Variants in KIAA1671 observed in about 807,000 individuals in gnomAD.
KIAA1671 encodes the protein uncharacterized protein KIAA1671.
In KIAA1671, 52 loss-of-function variants were observed where a neutral mutation model predicts 131.2. That is an observed-to-expected ratio of 0.40 (90% CI 0.32 to 0.50). The LOEUF (loss-of-function observed/expected upper bound fraction) is 0.50. KIAA1671 is among the 20% of genes least tolerant of loss of function. KIAA1671 has a pLI of 0.73. For missense variants in KIAA1671, 2,360 were observed against 2,364.2 expected, an observed-to-expected ratio of 1.00 and a Z score of 0.04; for synonymous variants, 1,003 against 961.6, an observed-to-expected ratio of 1.04 and a Z score of -0.80.
At chr22:24,962,494 C>T (rs1386137841) in intron 1 of KIAA1671, among the ~76,000 whole-genome samples, 1 of 152,108 alleles carries the variant, frequency 6.6e-6, no homozygotes, top group African/African-American at 2.4e-5. Flanking sequence ...TGCTTGGATT[C>T]AAATCCCAGC....
chr22:25,003,400 A>ATTTTTTTTTTTTTTTTTT (rs71191013), intron 1 of KIAA1671, among the ~76,000 whole-genome samples: 2 of 113,844 alleles, frequency 1.8e-5, no homozygotes, highest in African/African-American at 8.4e-5. Context: ...ACTTGGAGAG[A>ATTTTTTTTTTTTTTTTTT]TTTTTTTTTT....
chr22:25,177,438 C>T lies in KIAA1671; in HGVS notation c.4990C>T (p.Arg1664Trp), dbSNP rs376819852. 52 of 1,551,652 alleles carry T rather than the reference C, an allele frequency of 3.4e-5. No individual in the cohort carries two copies. The African/African-American group carries it at 3.4e-4, about 10-fold the overall frequency. The part of the protein sequence containing the change: ...RRRAPISHSL[R>W]RSRFSESESR... ...CCGGGCCCCCATCTCCCACTCCCTCCGGCGCAGCCGATTTAGTGAGTCCGA... is the reference window on the plus strand; with the variant it reads ...CCGGGCCCCCATCTCCCACTCCCTCTGGCGCAGCCGATTTAGTGAGTCCGA... The change falls in exon 9 of 13, where the codon CGG becomes TGG. Residue 1664 changes from arginine to tryptophan, a missense_variant. Coordinates refer to ENST00000358431, the MANE Select transcript of KIAA1671 (RefSeq NM_001145206.2).
chr22:25,140,513 C>T (rs937736875), intron 6 of KIAA1671, among the ~76,000 whole-genome samples: 3 of 152,128 alleles, frequency 2.0e-5, no homozygotes, highest in Non-Finnish European at 2.9e-5. Context: ...AATGTGATGC[C>T]GCAGGGGAAT....
At chr22:24,981,504 A>T (rs901961956) in intron 1 of KIAA1671, among the ~76,000 whole-genome samples, 1 of 152,150 alleles carries the variant, frequency 6.6e-6, no homozygotes, top group Non-Finnish European at 1.5e-5. Flanking sequence ...TTAGCCCTGG[A>T]TGCTCAGGAG....
chr22:25,170,073 C>G (rs1431687826), intron 6 of KIAA1671, among the ~76,000 whole-genome samples: 2 of 152,088 alleles, frequency 1.3e-5, no homozygotes, highest in African/African-American at 2.4e-5. Flanking sequence ...GCCACCACAC[C>G]CAGCTAATTT....
intron 1 of KIAA1671, among the ~76,000 whole-genome samples, chr22:24,975,097 C>T (rs1922846495): frequency 6.6e-6 from 1 of 152,194 alleles, no homozygotes; most frequent in African/African-American, 2.4e-5. Context: ...TTTTCATCAC[C>T]TCCAAAAGGA....
At chr22:25,075,428 G>A (rs763065017) in intron 6 of KIAA1671, among the ~76,000 whole-genome samples, 1 of 151,902 alleles carries the variant, frequency 6.6e-6, no homozygotes, top group Non-Finnish European at 1.5e-5. Context: ...GTCCCACATT[G>A]TATTTTTTCG....
At chr22:25,078,368 A>AT (rs1029667053) in intron 6 of KIAA1671, among the ~76,000 whole-genome samples, 6 of 151,906 alleles carry the variant, frequency 3.9e-5, no homozygotes, top group South Asian at 2.1e-4. Flanking sequence ...CTACAAAAGA[A>AT]TTTTTTTTTG....
chr22:25,076,683 G>A (rs1929126286), intron 6 of KIAA1671, among the ~76,000 whole-genome samples: 1 of 152,200 alleles, frequency 6.6e-6, no homozygotes, highest in Non-Finnish European at 1.5e-5. Context: ...ACGGTCCCAA[G>A]GCCTGTGGCC....
rs960643773 is a variant in KIAA1671, at chr22:25,170,892, G to A, written c.4603G>A (p.Gly1535Ser). 9.0e-6 allele frequency: 14 copies of A among 1,551,528 alleles called. No homozygotes were observed. The highest frequency in any genetic ancestry group is 3.3e-4 in the Middle Eastern group (2 of 6,014). The change falls in exon 7 of 13, where the codon GGC becomes AGC. Residue 1535 changes from glycine to serine, a missense_variant. By Grantham distance (56) the Gly-to-Ser change is moderately conservative (BLOSUM62 0). This residue lies in a region of KIAA1671 where 1,161 missense variants were observed against 1,204.7 expected (regional missense o/e 0.96). Coordinates refer to ENST00000358431, the MANE Select transcript of KIAA1671 (RefSeq NM_001145206.2). ...KDTDTLVHEA[G>S]SQYGTWTEQC... is the part of the protein sequence containing the mutation. ...CACTGACACCCTCGTGCACGAAGCC[G>A]GCAGCCAGTATGGGACGTGGACAGA...
intron 6 of KIAA1671, among the ~76,000 whole-genome samples, chr22:25,076,566 TTAAG>T (rs2145857754): frequency 6.6e-6 from 1 of 152,214 alleles, no homozygotes; most frequent in South Asian, 2.1e-4. Flanking sequence ...GGGAGAGAGA[TTAAG>T]TTTCTCTTTC....
chr22:25,031,362 A>G (rs374649876), intron 3 of KIAA1671, among the ~76,000 whole-genome samples: 4,901 of 151,746 alleles, frequency 0.032, 133 homozygotes, highest in African/African-American at 0.081. Context: ...ACGCCCAGCT[A>G]ATTTTTTGCA....
At chr22:25,122,843 T>TCACA (rs1932006854) in intron 6 of KIAA1671, among the ~76,000 whole-genome samples, 2 of 151,956 alleles carry the variant, frequency 1.3e-5, no homozygotes, top group African/African-American at 4.8e-5. Context: ...GGCGTGATGG[T>TCACA]GGGCGCCTGT....
chr22:25,140,381 C>CTTTTTTTTTTTTTT (rs937854977), intron 6 of KIAA1671, among the ~76,000 whole-genome samples: 2 of 146,886 alleles, frequency 1.4e-5, no homozygotes, highest in African/African-American at 5.0e-5. Flanking sequence ...TTTTTTTTTC[C>CTTTTTTTTTTTTTT]TTTTTTTTTT....
chr22:24,989,231 C>T (rs1009943791), intron 1 of KIAA1671, among the ~76,000 whole-genome samples: 5 of 152,210 alleles, frequency 3.3e-5, no homozygotes, highest in Admixed American at 3.3e-4. Context: ...CTTGGCCACC[C>T]CGTCTCCCAC....
In KIAA1671 at chr22:25,197,427, TG is replaced by T. The variant is rs1934862363; in HGVS notation, c.*5028del. ...ACTATGAAAATAGCAAATAAAGCTT[TG>T]GTGCAAGTTGCATTGGAGAAGTCGG... On this transcript the variant is annotated 3_prime_UTR_variant, in exon 13 of 13. Transcript: ENST00000358431. 1 of 152,244 alleles carries T rather than the reference TG, an allele frequency of 6.6e-6. No individual in the cohort carries two copies. The highest frequency in any genetic ancestry group is 2.1e-4 in the South Asian group (1 of 4,828). 9.4% of individuals were successfully genotyped at this position (152,244 alleles called of 1,614,324 possible).
At chr22:24,956,871 C>CAAAAA (rs60921102) in intron 1 of KIAA1671, among the ~76,000 whole-genome samples, 5 of 103,110 alleles carry the variant, frequency 4.8e-5, no homozygotes, top group African/African-American at 1.4e-4. Flanking sequence ...GACTCTGTCT[C>CAAAAA]AAAAAAAAAA....
In KIAA1671 at chr22:25,032,690, A is replaced by T; in HGVS notation, c.1623A>T (p.Arg541Ser). 6.5e-7 allele frequency: 1 copy of T among 1,543,900 alleles called. No homozygotes were observed. The highest frequency in any genetic ancestry group is 8.8e-7 in the Non-Finnish European group (1 of 1,140,616). The change falls in exon 4 of 13, where the codon AGA becomes AGT. Residue 541 changes from arginine to serine, a missense_variant. Physicochemically the swap from Arg to Ser is moderately radical, Grantham distance 110. Coordinates refer to ENST00000358431, the MANE Select transcript of KIAA1671 (RefSeq NM_001145206.2). ...GCGGCGAGTTTCCTAAGGAACCGAG[A>T]GAAAAGGTAAGGAGTGGCTGTGTAG... The part of the protein sequence containing the change: ...ELSGEFPKEP[R>S]EKQKEGHSLD...
Position 25,065,678 on chromosome 22 carries a change from C to T in KIAA1671, c.4530+16314C>T, listed in dbSNP as rs1235260742. On this transcript the variant is annotated intron_variant, in intron 6 of 12. Transcript: ENST00000358431. ...TTTTTTTTGAGACAGTCTCGCTCGT[C>T]GCCCAGGCTGGAGTGCAGTGGTGCG... 3.3e-5 allele frequency among the ~76,000 whole-genome samples: 5 copies of T among 151,160 alleles called. No homozygotes were observed. In the East Asian group the frequency reaches 5.8e-4, roughly 18 times the overall value.
Sources: allele counts gnomAD v4.1 joint callset (sites outside exome capture counted in the v4.1 genomes callset), GRCh38; gene constraint gnomAD v4.1.1; regional missense constraint gnomAD v4.1.1; transcripts MANE v1.5; gene names NCBI Gene and HGNC (gene_info 2026-07-23, HGNC 2026-07-21).